Variants in ATP6V0D1 observed in about 807,000 individuals in gnomAD.
ATP6V0D1 encodes the protein ATPase H+ transporting V0 subunit d1, also known as V-type proton ATPase subunit d 1.
Under a neutral mutation model 39.0 loss-of-function variants are expected in ATP6V0D1, and 13 were observed. That is an observed-to-expected ratio of 0.33 (90% CI 0.22 to 0.53). The LOEUF (loss-of-function observed/expected upper bound fraction) is 0.53, where lower values mean the gene tolerates loss of function less well. ATP6V0D1 is among the 20% of genes least tolerant of loss of function. ATP6V0D1 has a pLI of 0.94. For missense variants in ATP6V0D1, 272 were observed against 470.9 expected (o/e 0.58, Z 3.91); for synonymous variants, 191 against 191.2 (o/e 1.00, Z 0.01).
rs888347370 is a variant in ATP6V0D1 at position 67,438,283 on chromosome 16, T to C, written c.*245A>G. 7.2e-6 allele frequency: 4 copies of C among 558,902 alleles called. No individual in the cohort carries two copies. Among genetic ancestry groups the C allele is most frequent in the Admixed American group, 3.2e-5 (1 of 31,194 alleles). 34.6% of individuals were successfully genotyped at this position (558,902 alleles called of 1,614,324 possible). On this transcript the variant is annotated 3_prime_UTR_variant, in exon 8 of 8. Transcript: ENST00000290949. ...CTGTAACCACAGGGCTGAGGGGGCC[T>C]CCTTGCTCTGGAGGGGGTCTTCGTC...
At chr16:67,475,785 G>T (rs1051985843) in intron 1 of ATP6V0D1, among the ~76,000 whole-genome samples, 2 of 152,168 alleles carry the variant, frequency 1.3e-5, no homozygotes, top group African/African-American at 4.8e-5. Flanking sequence ...AAAAAACCAA[G>T]ACTGATGTCC....
chr16:67,443,865 C>T (rs941114182), intron 3 of ATP6V0D1, among the ~76,000 whole-genome samples: 1 of 152,224 alleles, frequency 6.6e-6, no homozygotes, highest in African/African-American at 2.4e-5. Flanking sequence ...CCCAGTGCAG[C>T]TTAGAGCCCT....
chr16:67,457,513 G>C (rs2041249622), intron 1 of ATP6V0D1: 2 of 1,203,344 alleles, frequency 1.7e-6, no homozygotes, highest in African/African-American at 3.1e-5. Flanking sequence ...GGAGAAGCCA[G>C]GGCATGCCTT....
At chr16:67,451,665 T>A (rs909739257) in intron 2 of ATP6V0D1, among the ~76,000 whole-genome samples, 3 of 152,206 alleles carry the variant, frequency 2.0e-5, no homozygotes, top group African/African-American at 7.2e-5. Context: ...GAGCTCCTTC[T>A]GAGTGAGGGG....
At chr16:67,478,913 A>G (rs2041439664) in intron 1 of ATP6V0D1, among the ~76,000 whole-genome samples, 1 of 152,010 alleles carries the variant, frequency 6.6e-6, no homozygotes, top group Non-Finnish European at 1.5e-5. Context: ...CAACCAACCG[A>G]ATGTCTATTG....
chr16:67,478,623 A>T (rs1320798780), intron 1 of ATP6V0D1, among the ~76,000 whole-genome samples: 1 of 151,136 alleles, frequency 6.6e-6, no homozygotes, highest in African/African-American at 2.4e-5. Flanking sequence ...CAAAAAAAAA[A>T]AAAAAAAAGA....
chr16:67,463,878 T>A (rs2142324888), intron 1 of ATP6V0D1, among the ~76,000 whole-genome samples: 1 of 152,052 alleles, frequency 6.6e-6, no homozygotes, highest in South Asian at 2.1e-4. Flanking sequence ...GGCTGGCCCC[T>A]GGGAGGGACG....
chr16:67,444,672 T>C lies in ATP6V0D1; in HGVS notation c.337A>G (p.Ile113Val). ...GAGCGCTGGTGCAGCGTGCCTGTGA[T>C]GAGCAGGATCACGTTGTCGATCATG... ...SYMIDNVILL[I>V]TGTLHQRSIA... The change falls in exon 3 of 8, where the codon ATC becomes GTC. Residue 113 changes from isoleucine (I) to valine (V), a missense_variant. Physicochemically the swap from Ile to Val is conservative, Grantham distance 29 (BLOSUM62 3). Transcript: ENST00000290949. The surrounding 1 kb of genome is among the most constrained non-coding windows in gnomAD (Gnocchi z 4.8). 6.2e-7 allele frequency: 1 copy of C among 1,608,574 alleles called. No individual in the cohort carries two copies. Among genetic ancestry groups the C allele is most frequent in the Non-Finnish European group, 8.5e-7 (1 of 1,176,076 alleles).
rs1317461254 is a variant in ATP6V0D1, at chr16:67,447,826, G to C, written c.303-3120C>G. Among the ~76,000 whole-genome samples, 1 of 152,226 alleles carries C rather than the reference G, an allele frequency of 6.6e-6. No individual in the cohort carries two copies. Among genetic ancestry groups the C allele is most frequent in the Non-Finnish European group, 1.5e-5 (1 of 68,040 alleles). On this transcript the variant is annotated intron_variant, in intron 2 of 7. Transcript: ENST00000290949. The surrounding 1 kb of genome is among the most constrained non-coding windows in gnomAD (Gnocchi z 4.1). ...TATGGCTTCTCAACCCCGGGTGGCT[G>C]GTCTGGTGCTGGTGAGGCAGCCATG...
intron 1 of ATP6V0D1, among the ~76,000 whole-genome samples, chr16:67,475,305 G>A (rs935582783): frequency 2.0e-5 from 3 of 152,196 alleles, no homozygotes; most frequent in Non-Finnish European, 4.4e-5. Flanking sequence ...GTGACATTGC[G>A]ACTGGCGATT....
chr16:67,454,233 C>T (rs969031949), intron 1 of ATP6V0D1, among the ~76,000 whole-genome samples: 4 of 152,170 alleles, frequency 2.6e-5, no homozygotes, highest in Admixed American at 2.6e-4. Context: ...CCACAAAAGG[C>T]TGGGCCACAG....
Position 67,444,785 on chromosome 16 carries a change from G to A in ATP6V0D1, c.303-79C>T, listed in dbSNP as rs759845522. 3.4e-5 allele frequency: 45 copies of A among 1,309,202 alleles called. No homozygotes were observed. Among genetic ancestry groups the A allele is most frequent in the Non-Finnish European group, 4.3e-5 (42 of 966,146 alleles). The allele number at this position is 1,309,202 out of a possible 1,614,324, so 81.1% of individuals were successfully genotyped here. On this transcript the variant is annotated intron_variant, in intron 2 of 7. Coordinates refer to ENST00000290949, the MANE Select transcript of ATP6V0D1 (RefSeq NM_004691.5). This position sits in a 1 kb window ranked among gnomAD's most constrained non-coding sequence, Gnocchi z 4.8. ...CTGGCATAGCACCATGCCCTCGCCC[G>A]CCTGCACAGGCCATCACCCCTTAAC...
At chr16:67,475,658 T>C (rs1032062343) in intron 1 of ATP6V0D1, among the ~76,000 whole-genome samples, 31 of 152,174 alleles carry the variant, frequency 2.0e-4, no homozygotes, top group Non-Finnish European at 5.9e-5. Context: ...TATTCCAAAT[T>C]AGGAAACTGG....
chr16:67,478,885 G>T (rs941550239), intron 1 of ATP6V0D1, among the ~76,000 whole-genome samples: 2 of 152,206 alleles, frequency 1.3e-5, no homozygotes, highest in African/African-American at 4.8e-5. Flanking sequence ...CAGGAGTGAG[G>T]AAAGTCAAGA....
chr16:67,472,574 A>G (rs1027285215), intron 1 of ATP6V0D1, among the ~76,000 whole-genome samples: 5 of 152,208 alleles, frequency 3.3e-5, no homozygotes, highest in Admixed American at 1.3e-4. Flanking sequence ...AATGTATAAA[A>G]TATTTCCAGG....
At chr16:67,450,465 G>A (rs1297918767) in intron 2 of ATP6V0D1, among the ~76,000 whole-genome samples, 2 of 152,164 alleles carry the variant, frequency 1.3e-5, no homozygotes, top group Non-Finnish European at 2.9e-5. Flanking sequence ...CTGGGGCAGA[G>A]CGGAGAAGGG....
chr16:67,459,991 G>C (rs2041276677), intron 1 of ATP6V0D1, among the ~76,000 whole-genome samples: 1 of 152,262 alleles, frequency 6.6e-6, no homozygotes, highest in Non-Finnish European at 1.5e-5. Context: ...AGTGTTCCCA[G>C]ACTTTACTTC....
chr16:67,473,546 C>CA (rs2142333762), intron 1 of ATP6V0D1, among the ~76,000 whole-genome samples: 1 of 151,930 alleles, frequency 6.6e-6, no homozygotes, highest in South Asian at 2.1e-4. Context: ...TTGTTTGAGA[C>CA]AGAGTCTCGC....
chr16:67,443,363 C>T, intron 3 of ATP6V0D1, 185 bp from the exon 4 acceptor site: 1 of 575,248 alleles, frequency 1.7e-6, no homozygotes, highest in Non-Finnish European at 3.1e-6. Context: ...TGTACACTGA[C>T]CTGAGCTTCT....
Sources: allele counts gnomAD v4.1 joint callset (sites outside exome capture counted in the v4.1 genomes callset), GRCh38; gene constraint gnomAD v4.1.1; non-coding constraint Gnocchi (gnomAD v3.1); transcripts MANE v1.5; gene names NCBI Gene and HGNC (gene_info 2026-07-23, HGNC 2026-07-21).